The following APBA1 variants were observed in gnomAD, a reference collection of about 807,000 sequenced individuals.
APBA1 encodes the protein amyloid-beta A4 precursor protein-binding family A member 1.
Under a neutral mutation model 86.6 loss-of-function variants are expected in APBA1, and 55 were observed. The observed-to-expected ratio is 0.64, with a 90% confidence interval of 0.51 to 0.80. APBA1 has a LOEUF of 0.80. Ranked by LOEUF, APBA1 falls within the 30% of genes least tolerant of loss-of-function variation. The pLI is 0.00. For synonymous variants in APBA1, 511 were observed against 493.9 expected (o/e 1.03, Z -0.46); for missense variants, 1,090 against 1,183.0 (o/e 0.92, Z 1.15).
intron 2 of APBA1, among the ~76,000 whole-genome samples, chr9:69,477,163 T>A (rs10125397): frequency 6.6e-6 from 1 of 152,142 alleles, no homozygotes; most frequent in Admixed American, 6.5e-5. Flanking sequence ...GCTCCCAGCG[T>A]GAGCGACACA....
At chr9:69,584,925 C>T (rs903458356) in intron 1 of APBA1, among the ~76,000 whole-genome samples, 6 of 152,200 alleles carry the variant, frequency 3.9e-5, no homozygotes, top group African/African-American at 7.2e-5. Context: ...TTAGCACAAA[C>T]CCATGAATTA....
intron 2 of APBA1, among the ~76,000 whole-genome samples, chr9:69,489,643 C>T (rs2133857824): frequency 6.6e-6 from 1 of 152,200 alleles, no homozygotes; most frequent in Admixed American, 6.5e-5. Context: ...AAGCAAACAA[C>T]CCCATCAAAA....
chr9:69,503,143 G>A (rs1835903888), intron 2 of APBA1, among the ~76,000 whole-genome samples: 1 of 152,072 alleles, frequency 6.6e-6, no homozygotes, highest in African/African-American at 2.4e-5. Flanking sequence ...GTACAGAAGT[G>A]TTTGCCTTTC....
At chr9:69,621,702 T>A (rs200313969) in intron 1 of APBA1, among the ~76,000 whole-genome samples, 1 of 152,110 alleles carries the variant, frequency 6.6e-6, no homozygotes, top group African/African-American at 2.4e-5. Flanking sequence ...TACTTATTAA[T>A]AGAACAGTTC....
intron 1 of APBA1, among the ~76,000 whole-genome samples, chr9:69,597,782 T>C (rs1822260181): frequency 6.6e-6 from 1 of 152,224 alleles, no homozygotes; most frequent in South Asian, 2.1e-4. Context: ...CCTTTCCGCA[T>C]TGCTTGTTTT....
rs2133776386 is a variant in APBA1 at position 69,431,030 on chromosome 9, C to T, written c.*297G>A. On this transcript the variant is annotated 3_prime_UTR_variant, in exon 13 of 13. Transcript: ENST00000265381. ...GATTCTCCCTCAAGCAGTGACAGCC[C>T]ACCCCCTGGACACACCCAGAAAGCC... is the stretch of plus-strand genomic sequence containing the variant. 3.2e-6 allele frequency: 1 copy of T among 309,064 alleles called. No individual in the cohort carries two copies. 19.1% of individuals were successfully genotyped at this position (309,064 alleles called of 1,614,324 possible).
intron 1 of APBA1, among the ~76,000 whole-genome samples, chr9:69,531,073 AT>A (rs1311730528): frequency 7.9e-5 from 12 of 152,318 alleles, no homozygotes; most frequent in African/African-American, 2.2e-4. Context: ...TATGATCAAT[AT>A]AAAAATTATT....
At chr9:69,630,336 T>G (rs916179172) in intron 1 of APBA1, among the ~76,000 whole-genome samples, 10 of 152,154 alleles carry the variant, frequency 6.6e-5, no homozygotes, top group Non-Finnish European at 1.5e-4. Flanking sequence ...ACAGGCCAAC[T>G]TTGATCCCTA....
intron 2 of APBA1, among the ~76,000 whole-genome samples, chr9:69,505,828 G>A (rs1403901827): frequency 1.3e-5 from 2 of 151,930 alleles, no homozygotes; most frequent in African/African-American, 4.8e-5. Flanking sequence ...GACCAGCCTG[G>A]CCAATATGGC....
intron 1 of APBA1, among the ~76,000 whole-genome samples, chr9:69,546,711 A>G (rs1380978766): frequency 6.6e-6 from 1 of 152,256 alleles, no homozygotes; most frequent in African/African-American, 2.4e-5. Context: ...CTTATAATAT[A>G]TAACATTAGG....
At chr9:69,440,933 C>A (rs765408564) in intron 11 of APBA1, 63 bp downstream of exon 11, 100 of 1,577,114 alleles carry the variant, frequency 6.3e-5, no homozygotes, top group Non-Finnish European at 8.0e-5. Context: ...TCCACCCCCC[C>A]AGCCATGCTA....
chr9:69,608,576 A>T (rs889311470), intron 1 of APBA1, among the ~76,000 whole-genome samples: 1 of 152,226 alleles, frequency 6.6e-6, no homozygotes, highest in Non-Finnish European at 1.5e-5. Context: ...CCAAAAAAAC[A>T]GTATTTATGA....
intron 1 of APBA1, among the ~76,000 whole-genome samples, chr9:69,580,678 C>T (rs1197852928): frequency 3.3e-5 from 5 of 152,192 alleles, no homozygotes; most frequent in Admixed American, 2.6e-4. Context: ...TGCTGACAGG[C>T]TTCCTTTGAA....
intron 1 of APBA1, among the ~76,000 whole-genome samples, chr9:69,564,510 G>A (rs577803183): frequency 6.6e-5 from 10 of 152,210 alleles, no homozygotes; most frequent in African/African-American, 2.4e-4. Flanking sequence ...TGCCTTAACT[G>A]ACAAAAGTGA....
chr9:69,531,817 G>A (rs1452968580), intron 1 of APBA1, among the ~76,000 whole-genome samples: 2 of 152,140 alleles, frequency 1.3e-5, no homozygotes, highest in Non-Finnish European at 2.9e-5. Context: ...GGAGTAAAAG[G>A]CAGGAAAGCA....
intron 1 of APBA1, among the ~76,000 whole-genome samples, chr9:69,636,853 G>A (rs1422565674): frequency 8.9e-6 from 1 of 112,302 alleles, no homozygotes; most frequent in African/African-American, 3.3e-5. Context: ...GGGAGGGAGG[G>A]AGGGAGGGAG....
chr9:69,563,580 C>T (rs1291710366), intron 1 of APBA1, among the ~76,000 whole-genome samples: 1 of 152,184 alleles, frequency 6.6e-6, no homozygotes, highest in African/African-American at 2.4e-5. Flanking sequence ...CTTTCTACTC[C>T]ACCTGACTTG....
At chr9:69,448,747 C>A (rs1379299907) in intron 10 of APBA1, among the ~76,000 whole-genome samples, 1 of 152,092 alleles carries the variant, frequency 6.6e-6, no homozygotes, top group Non-Finnish European at 1.5e-5. Flanking sequence ...CTACAGGACC[C>A]CAAAAAACGC....
rs1311436311 is a variant in APBA1 at position 69,430,397 on chromosome 9, G to A, written c.*930C>T. 6.6e-6 allele frequency: 1 copy of A among 152,194 alleles called. No individual in the cohort carries two copies. Among genetic ancestry groups the A allele is most frequent in the East Asian group, 2.0e-4 (1 of 5,122 alleles). The allele number at this position is 152,194 out of a possible 1,614,324, so 9.4% of individuals were successfully genotyped here. A position where few individuals can be genotyped will look rare whatever the true frequency, so the allele number is the denominator to read the frequency against. ...GCAGAGAGGGCAGGTCTCTCAGGAT[G>A]AGGCTGAGCAGCCCCCGCCTGCCTG... On this transcript the variant is annotated 3_prime_UTR_variant, in exon 13 of 13. Transcript: ENST00000265381.
Sources: allele counts gnomAD v4.1 joint callset (sites outside exome capture counted in the v4.1 genomes callset), GRCh38; gene constraint gnomAD v4.1.1; transcripts MANE v1.5; gene names NCBI Gene and HGNC (gene_info 2026-07-23, HGNC 2026-07-21).